Variants in HIBADH observed in about 807,000 individuals in gnomAD.
The protein encoded by HIBADH is 3-hydroxyisobutyrate dehydrogenase, mitochondrial.
Under a neutral mutation model 36.1 loss-of-function variants are expected in HIBADH, and 25 were observed. The ratio of observed to expected loss-of-function variants is 0.69; its 90% CI spans 0.50 to 0.97. The LOEUF (loss-of-function observed/expected upper bound fraction) is 0.97. Ranked by LOEUF, HIBADH falls within the 50% of genes least tolerant of loss-of-function variation. HIBADH has a pLI of 0.00. For synonymous variants in HIBADH, 160 were observed against 149.5 expected (o/e 1.07, Z -0.51); for missense variants, 421 against 418.0 (o/e 1.01, Z -0.06).
chr7:27,533,732 T>A (rs1784033844), intron 6 of HIBADH, among the ~76,000 whole-genome samples: 1 of 152,124 alleles, frequency 6.6e-6, no homozygotes, highest in African/African-American at 2.4e-5. Context: ...GAAGACTGAG[T>A]TTCCATTCGA....
At chr7:27,586,654 A>AAGGAGG (rs540391385) in intron 4 of HIBADH, among the ~76,000 whole-genome samples, 2 of 151,968 alleles carry the variant, frequency 1.3e-5, no homozygotes, top group South Asian at 2.1e-4. Flanking sequence ...GAAGAAGAAA[A>AAGGAGG]AGGAGGAGGA....
intron 4 of HIBADH, among the ~76,000 whole-genome samples, chr7:27,596,077 TTATA>T (rs756196330): frequency 2.6e-5 from 4 of 152,138 alleles, no homozygotes; most frequent in Non-Finnish European, 5.9e-5. Context: ...ACTGGGTAAT[TTATA>T]AAGAACAGAA....
At chr7:27,585,634 A>G (rs1393025831) in intron 4 of HIBADH, among the ~76,000 whole-genome samples, 1 of 152,208 alleles carries the variant, frequency 6.6e-6, no homozygotes, top group Non-Finnish European at 1.5e-5. Flanking sequence ...TGAAAAAGTA[A>G]AAAGCATTTG....
chr7:27,563,303 C>A (rs1784494395), intron 4 of HIBADH, among the ~76,000 whole-genome samples: 1 of 152,158 alleles, frequency 6.6e-6, no homozygotes, highest in South Asian at 2.1e-4. Context: ...TATCCATTCA[C>A]CCATTGAAGG....
chr7:27,539,403 C>T (rs1281671142), intron 5 of HIBADH, among the ~76,000 whole-genome samples: 2 of 151,706 alleles, frequency 1.3e-5, no homozygotes, highest in African/African-American at 2.4e-5. Context: ...AAGATAATAC[C>T]AAGTCTAGAG....
At position 27,559,909 on chromosome 7, in the gene HIBADH, T is replaced by C. The variant is rs185575093; in HGVS notation, c.485-16809A>G. On this transcript the variant is annotated intron_variant, in intron 4 of 7. Transcript: ENST00000265395. ...CTATTATAAATGTCCAATATAACTG[T>C]AGTTTTAAATCAAACTCGTAAATTT... Among the ~76,000 whole-genome samples the C allele has an allele frequency of 2.6e-4, 39 of 152,378 alleles. No homozygotes were observed. In the East Asian group the frequency reaches 5.4e-3, roughly 21 times the overall value.
intron 1 of HIBADH, among the ~76,000 whole-genome samples, chr7:27,656,518 T>C (rs1159258390): frequency 1.3e-5 from 2 of 152,114 alleles, no homozygotes; most frequent in Admixed American, 1.3e-4. Context: ...CAGGATAAGT[T>C]ATTAAGTGGA....
At chr7:27,643,775 G>A (rs1786004194) in intron 2 of HIBADH, among the ~76,000 whole-genome samples, 1 of 152,178 alleles carries the variant, frequency 6.6e-6, no homozygotes. Flanking sequence ...AAGGCTCAAA[G>A]GGAGGATCTG....
chr7:27,642,596 T>C (rs1785978538), intron 2 of HIBADH, among the ~76,000 whole-genome samples: 1 of 151,970 alleles, frequency 6.6e-6, no homozygotes, highest in African/African-American at 2.4e-5. Flanking sequence ...TCATTCTTAA[T>C]CTGGATAAAT....
At chr7:27,548,697 T>C (rs1228539423) in intron 4 of HIBADH, among the ~76,000 whole-genome samples, 1 of 152,106 alleles carries the variant, frequency 6.6e-6, no homozygotes, top group Admixed American at 6.5e-5. Flanking sequence ...ATGGTAGATA[T>C]AAAACCTAGT....
intron 4 of HIBADH, among the ~76,000 whole-genome samples, chr7:27,558,832 T>A (rs938946848): frequency 1.3e-5 from 2 of 152,230 alleles, no homozygotes; most frequent in Non-Finnish European, 2.9e-5. Context: ...AATGTTCTCA[T>A]TTTCATTTAT....
At chr7:27,571,654 G>C (rs1442059596) in intron 4 of HIBADH, among the ~76,000 whole-genome samples, 4 of 152,016 alleles carry the variant, frequency 2.6e-5, no homozygotes, top group Non-Finnish European at 5.9e-5. Flanking sequence ...GTCTCCCTTT[G>C]TGTCTGGTAA....
intron 5 of HIBADH, among the ~76,000 whole-genome samples, chr7:27,538,911 G>C (rs899564231): frequency 2.0e-5 from 3 of 152,102 alleles, no homozygotes; most frequent in Admixed American, 1.3e-4. Context: ...AGACAAGAAA[G>C]AGAAAGAAGG....
chr7:27,553,494 T>C (rs1470004595), intron 4 of HIBADH, among the ~76,000 whole-genome samples: 2 of 152,124 alleles, frequency 1.3e-5, no homozygotes. Context: ...AATATCACAA[T>C]AGACCTGCTT....
intron 2 of HIBADH, among the ~76,000 whole-genome samples, chr7:27,638,592 T>C (rs1459163432): frequency 6.6e-6 from 1 of 151,988 alleles, no homozygotes. Context: ...AATTGACAAA[T>C]GAGACCTAAT....
intron 4 of HIBADH, among the ~76,000 whole-genome samples, chr7:27,598,090 C>A (rs181446846): frequency 6.2e-4 from 94 of 152,276 alleles, no homozygotes; most frequent in African/African-American, 2.2e-3. Context: ...AAATTTATTT[C>A]CATCCAGTAG....
intron 4 of HIBADH, among the ~76,000 whole-genome samples, chr7:27,607,508 CA>C (rs973834906): frequency 6.7e-6 from 1 of 149,136 alleles, no homozygotes; most frequent in Non-Finnish European, 1.5e-5. Context: ...GACTTTGTCT[CA>C]AAAAAAAACA....
At chr7:27,567,299 A>G (rs1784559469) in intron 4 of HIBADH, among the ~76,000 whole-genome samples, 2 of 152,110 alleles carry the variant, frequency 1.3e-5, no homozygotes, top group South Asian at 2.1e-4. Context: ...TACCTTTGGT[A>G]ATTTTCCTTG....
chr7:27,576,480 T>C (rs1784712293), intron 4 of HIBADH, among the ~76,000 whole-genome samples: 1 of 152,224 alleles, frequency 6.6e-6, no homozygotes, highest in African/African-American at 2.4e-5. Flanking sequence ...ATCCACACTG[T>C]AATTTATTGG....
Sources: allele counts gnomAD v4.1 joint callset (sites outside exome capture counted in the v4.1 genomes callset), GRCh38; gene constraint gnomAD v4.1.1; transcripts MANE v1.5; gene names NCBI Gene and HGNC (gene_info 2026-07-23, HGNC 2026-07-21).